Variants in SH3RF3 observed in about 807,000 individuals in gnomAD.
The protein encoded by SH3RF3 is E3 ubiquitin-protein ligase SH3RF3.
In SH3RF3, 29 loss-of-function variants were observed where a neutral mutation model predicts 66.3. That is an observed-to-expected ratio of 0.44 (90% CI 0.33 to 0.60). The LOEUF is 0.60. Among genes scored for constraint, SH3RF3 ranks in the 20% least tolerant of loss-of-function variants. The pLI is 0.04. For missense variants in SH3RF3, 1,194 were observed against 1,190.9 expected, an observed-to-expected ratio of 1.00 and a Z score of -0.04; for synonymous variants, 583 against 532.0, an observed-to-expected ratio of 1.10 and a Z score of -1.32.
chr2:109,282,309 A>G (rs1309221012), intron 1 of SH3RF3, among the ~76,000 whole-genome samples: 1 of 152,102 alleles, frequency 6.6e-6, no homozygotes, highest in Non-Finnish European at 1.5e-5. Context: ...CGTGTTCATA[A>G]TTGGTGCAAG....
At chr2:109,441,163 CATAAAAATCACAATGTCTGATGTCCA>C (rs1677553927) in intron 7 of SH3RF3, among the ~76,000 whole-genome samples, 2 of 142,106 alleles carry the variant, frequency 1.4e-5, no homozygotes, top group African/African-American at 5.4e-5. Flanking sequence ...CTCTCAACAA[CATAAAAATCACAATGTCTGATGTCCA>C]ATAAAAAATT....
At chr2:109,341,207 A>G (rs1334287451) in intron 1 of SH3RF3, among the ~76,000 whole-genome samples, 1 of 152,238 alleles carries the variant, frequency 6.6e-6, no homozygotes, top group African/African-American at 2.4e-5. Context: ...TGAATGAGAA[A>G]AAGGGACAAA....
intron 5 of SH3RF3, among the ~76,000 whole-genome samples, chr2:109,422,443 G>T (rs925484710): frequency 6.6e-6 from 1 of 152,204 alleles, no homozygotes; most frequent in African/African-American, 2.4e-5. Flanking sequence ...GGATGTTCTT[G>T]CCCCTTCTTC....
intron 1 of SH3RF3, among the ~76,000 whole-genome samples, chr2:109,236,692 A>C (rs1310608349): frequency 6.6e-6 from 1 of 152,184 alleles, no homozygotes; most frequent in Non-Finnish European, 1.5e-5. Context: ...AAGAAAGGAA[A>C]TCCCAGGTGA....
At chr2:109,323,668 C>T (rs1023541096) in intron 1 of SH3RF3, among the ~76,000 whole-genome samples, 2 of 152,166 alleles carry the variant, frequency 1.3e-5, no homozygotes, top group African/African-American at 4.8e-5. Context: ...CGCCAAGCTC[C>T]CTGAGCCTGT....
rs1683239532 is a variant in SH3RF3, at chr2:109,370,233, CTCTCTCTT to C, written c.850-1351_850-1344del. 2.6e-5 allele frequency among the ~76,000 whole-genome samples: 3 copies of C among 114,950 alleles called. No homozygotes were observed. In the South Asian group the frequency reaches 9.0e-4, roughly 35 times the overall value. The allele number at this position is 114,950 out of a possible 152,430, so 75.4% of individuals were successfully genotyped here. A position where few individuals can be genotyped will look rare whatever the true frequency, so the allele number is the denominator to read the frequency against. ...TGTCTCTGTCTCTGTCTCTGTCTCT[CTCTCTCTT>C]TTTCTTTTTTTTTTTTAATATGGAG... On this transcript the variant is annotated intron_variant, in intron 2 of 9. Transcript: ENST00000309415.
At chr2:109,202,167 C>T (rs1425013128) in intron 1 of SH3RF3, among the ~76,000 whole-genome samples, 1 of 152,170 alleles carries the variant, frequency 6.6e-6, no homozygotes, top group Non-Finnish European at 1.5e-5. Context: ...TAGATGAACA[C>T]GGGGAAGAAA....
rs549970117 is a variant in SH3RF3 at position 109,165,234 on chromosome 2, A to G, written c.573+35121A>G. Reference sequence around the variant, plus strand: ...GTGCTAATCCTGCAAAGAAGTCTTTACTAGGTGTATCAAGAAGGTTCAGAG... The same window carrying G: ...GTGCTAATCCTGCAAAGAAGTCTTTGCTAGGTGTATCAAGAAGGTTCAGAG... On this transcript the variant is annotated intron_variant, in intron 1 of 9. Transcript: ENST00000309415. Among the ~76,000 whole-genome samples, 3 of 152,306 alleles carry G rather than the reference A, an allele frequency of 2.0e-5. No homozygotes were observed. The South Asian group carries it at 6.2e-4, about 32-fold the overall frequency.
chr2:109,431,133 C>T (rs10206756), intron 5 of SH3RF3, among the ~76,000 whole-genome samples: 2,435 of 152,304 alleles, frequency 0.016, 55 homozygotes, highest in African/African-American at 0.054. Context: ...GTTTTCACTT[C>T]TAAGTGGGGT....
intron 5 of SH3RF3, among the ~76,000 whole-genome samples, chr2:109,428,469 C>T (rs1046160458): frequency 3.3e-5 from 5 of 152,242 alleles, no homozygotes; most frequent in African/African-American, 1.2e-4. Flanking sequence ...GTCGGCCCAG[C>T]CGCCAGCCTA....
intron 7 of SH3RF3, among the ~76,000 whole-genome samples, chr2:109,448,654 TCC>T (rs1167032908): frequency 9.2e-5 from 14 of 152,128 alleles, no homozygotes; most frequent in Non-Finnish European, 2.1e-4. Context: ...AGCTCAGGGG[TCC>T]TACTGATTCT....
chr2:109,350,774 C>A (rs1299146094), intron 2 of SH3RF3, among the ~76,000 whole-genome samples: 7 of 152,228 alleles, frequency 4.6e-5, no homozygotes, highest in African/African-American at 1.7e-4. Flanking sequence ...CCAAATGATT[C>A]CAGTGCTGCA....
chr2:109,403,081 T>C (rs1424401785), intron 4 of SH3RF3, among the ~76,000 whole-genome samples: 1 of 152,160 alleles, frequency 6.6e-6, no homozygotes, highest in African/African-American at 2.4e-5. Flanking sequence ...GTTTTGCTCT[T>C]TCTTTGGTGT....
At chr2:109,316,279 G>T (rs887671917) in intron 1 of SH3RF3, among the ~76,000 whole-genome samples, 8 of 152,112 alleles carry the variant, frequency 5.3e-5, no homozygotes, top group African/African-American at 1.9e-4. Flanking sequence ...TGTGGGCCTC[G>T]GTCCAGGAGG....
At chr2:109,263,507 C>T (rs1471820859) in intron 1 of SH3RF3, among the ~76,000 whole-genome samples, 1 of 152,172 alleles carries the variant, frequency 6.6e-6, no homozygotes, top group Non-Finnish European at 1.5e-5. Context: ...GATTAGGGGG[C>T]TGATGCATAC....
intron 2 of SH3RF3, among the ~76,000 whole-genome samples, chr2:109,348,546 C>G (rs1400905992): frequency 6.6e-6 from 1 of 152,214 alleles, no homozygotes; most frequent in Non-Finnish European, 1.5e-5. Context: ...GCAGAAGAGA[C>G]TGGTTCTGGC....
At chr2:109,462,938 G>A (rs1406480373) in intron 8 of SH3RF3, among the ~76,000 whole-genome samples, 1 of 152,202 alleles carries the variant, frequency 6.6e-6, no homozygotes, top group African/African-American at 2.4e-5. Context: ...TCCCTGAAAA[G>A]TCTGATTATT....
chr2:109,353,902 C>T (rs796222243), intron 2 of SH3RF3, among the ~76,000 whole-genome samples: 39 of 152,270 alleles, frequency 2.6e-4, no homozygotes, highest in African/African-American at 9.4e-4. Context: ...CTGAGGGGCC[C>T]CTGCCTCCCT....
chr2:109,458,601 A>AGAGAGAGAGAGAGAGAGAGAGAGAGAGT (rs1553524376), intron 8 of SH3RF3, among the ~76,000 whole-genome samples: 2 of 148,956 alleles, frequency 1.3e-5, no homozygotes, highest in South Asian at 2.1e-4. Context: ...AGAGAGAGAG[A>AGAGAGAGAGAGAGAGAGAGAGAGAGAGT]ATTTATTTAT....
Sources: gnomAD v4.1 joint callset for allele counts (sites outside exome capture counted in the v4.1 genomes callset) on GRCh38, gnomAD v4.1.1 for gene constraint, MANE v1.5 for transcripts, NCBI Gene and HGNC (gene_info 2026-07-23, HGNC 2026-07-21) for gene names.